The following PDGFA variants were observed in gnomAD, a reference collection of about 807,000 sequenced individuals.
The protein encoded by PDGFA is platelet derived growth factor subunit A, also known as platelet-derived growth factor subunit A.
Under a neutral mutation model 25.6 loss-of-function variants are expected in PDGFA, and 9 were observed. The observed-to-expected ratio is 0.35, with a 90% CI of 0.21 to 0.61. The LOEUF is 0.61. Among genes scored for constraint, PDGFA ranks in the 20% least tolerant of loss-of-function variants. The pLI is 0.75. For missense variants in PDGFA, 242 were observed against 272.8 expected (o/e 0.89, Z 0.79); for synonymous variants, 133 against 111.8 (o/e 1.19, Z -1.20).
chr7:501,995 C>T (rs186958513), intron 4 of PDGFA, among the ~76,000 whole-genome samples: 58 of 152,214 alleles, frequency 3.8e-4, no homozygotes, highest in Admixed American at 3.3e-3. Context: ...AAGGCCAAGG[C>T]GGGAGGATCA....
intron 2 of PDGFA, among the ~76,000 whole-genome samples, chr7:516,968 C>A (rs1783131790): frequency 6.6e-6 from 1 of 151,618 alleles, no homozygotes; most frequent in African/African-American, 2.4e-5. Flanking sequence ...TCCGCCCGCC[C>A]GCCCGTCGGA....
intron 2 of PDGFA, among the ~76,000 whole-genome samples, chr7:515,765 G>T (rs1783059528): frequency 1.3e-5 from 2 of 151,696 alleles, no homozygotes; most frequent in Non-Finnish European, 2.9e-5. Context: ...GGGCATCCTT[G>T]TTTTTTTCTG....
At chr7:511,091 C>T (rs1311607689) in intron 3 of PDGFA, 95 bp from the exon 4 acceptor site, 2 of 931,386 alleles carry the variant, frequency 2.1e-6, no homozygotes, top group Admixed American at 2.1e-5. Context: ...TGGGGGGCAA[C>T]CAGGGTAAGC....
chr7:498,411 A>T, exon 6 of PDGFA: 1 of 704,366 alleles, frequency 1.4e-6, no homozygotes, highest in South Asian at 1.7e-5. Flanking sequence ...ACAAATGTGC[A>T]CTGTCTCTTT....
rs1782288371 is a variant in PDGFA, at chr7:500,642, C to T, written c.580+474G>A. The T allele has an allele frequency of 3.4e-6, 5 of 1,485,596 alleles. No individual in the cohort carries two copies. The highest frequency in any genetic ancestry group is 3.6e-6 in the Non-Finnish European group (4 of 1,123,518). The allele number at this position is 1,485,596 out of a possible 1,614,324, so 92.0% of individuals were successfully genotyped here. A position where few individuals can be genotyped will look rare whatever the true frequency, so the allele number is the denominator to read the frequency against. ...TGGCACCGAGAAACTTCTGAGTCCC[C>T]TCATGCTCCCAGGGCCCAGCCATAG... On this transcript the variant is annotated intron_variant, in intron 5 of 5. Transcript: ENST00000402802. The surrounding 1 kb of genome is among the most constrained non-coding windows in gnomAD (Gnocchi z 5.0).
At chr7:505,014 CA>C (rs1316338860) in intron 4 of PDGFA, among the ~76,000 whole-genome samples, 3 of 152,242 alleles carry the variant, frequency 2.0e-5, no homozygotes, top group African/African-American at 7.2e-5. Context: ...TTTTATCAAA[CA>C]AAAACAAACA....
exon 6 of PDGFA, chr7:497,972 A>AAAAAAAAAAAAAAAAAAAAAAAAAAAC (rs1782161327): frequency 7.5e-6 from 1 of 133,286 alleles, no homozygotes; most frequent in Non-Finnish European, 1.6e-5. Context: ...AAAAAAAAAA[A>AAAAAAAAAAAAAAAAAAAAAAAAAAAC]ACAAAACAAA....
rs992015738 is a variant in PDGFA, at chr7:517,509, C to G, written c.64-19G>C. 6 of 1,198,062 alleles carry G rather than the reference C, an allele frequency of 5.0e-6. No homozygotes were observed. Among genetic ancestry groups the G allele is most frequent in the African/African-American group, 4.8e-5 (3 of 62,000 alleles). The allele number at this position is 1,198,062 out of a possible 1,614,324, so 74.2% of individuals were successfully genotyped here. ...CGGCTTCCTGCAAGCAGAGGCCACACGGTCAGCGCCCGCGGCCCCGACCCC... is the reference window on the plus strand; with the variant it reads ...CGGCTTCCTGCAAGCAGAGGCCACAGGGTCAGCGCCCGCGGCCCCGACCCC... On this transcript the variant is annotated intron_variant, in intron 1 of 5. Coordinates refer to ENST00000402802, the Ensembl canonical transcript of PDGFA. This position sits in a 1 kb window ranked among gnomAD's most constrained non-coding sequence, Gnocchi z 7.4.
intron 5 of PDGFA, among the ~76,000 whole-genome samples, chr7:499,228 A>C (rs9719531): frequency 0.16 from 24,181 of 152,120 alleles, 2,366 homozygotes; most frequent in South Asian, 0.32. Flanking sequence ...AAAACCACCC[A>C]CCAGGCCACA....
At chr7:511,035 T>C in intron 3 of PDGFA, 39 bp from the exon 4 acceptor site, 1 of 1,549,352 alleles carries the variant, frequency 6.5e-7, no homozygotes. Flanking sequence ...GACCGGCCTC[T>C]GCGACCACGG....
In PDGFA at chr7:517,367, C is replaced by A; in HGVS notation, c.160+27G>T. The A allele has an allele frequency of 8.3e-7, 1 of 1,211,424 alleles. No homozygotes were observed. 75.0% of individuals were successfully genotyped at this position (1,211,424 alleles called of 1,614,324 possible). On this transcript the variant is annotated intron_variant, in intron 2 of 5. Coordinates refer to ENST00000402802, the Ensembl canonical transcript of PDGFA. The surrounding 1 kb of genome is among the most constrained non-coding windows in gnomAD (Gnocchi z 7.4). ...AGGCCGCCCGCCCGCGCCCTCCCCGCGCGCGGAGGGAAGGGGCGCGATTTA... is the reference window on the plus strand; with the variant it reads ...AGGCCGCCCGCCCGCGCCCTCCCCGAGCGCGGAGGGAAGGGGCGCGATTTA...
At chr7:518,871 G>A (rs1783229714) in intron 1 of PDGFA, 68 bp downstream of exon 1, 5 of 1,083,620 alleles carry the variant, frequency 4.6e-6, no homozygotes, top group Admixed American at 5.3e-5. Flanking sequence ...AGCCCGTGGC[G>A]CCCCAGCCGG....
rs1197878377 is a variant in PDGFA, at chr7:518,865, C to A, written c.63+74G>T. The A allele has an allele frequency of 6.1e-5, 61 of 1,005,296 alleles. No individual in the cohort carries two copies. The East Asian group carries it at 1.5e-3, about 25-fold the overall frequency. The allele number at this position is 1,005,296 out of a possible 1,614,324, so 62.3% of individuals were successfully genotyped here. ...GAACCAAAACGCTCTCTGCAGAGCCCGTGGCGCCCCAGCCGGCGGGGGGTG... is the reference window on the plus strand; with the variant it reads ...GAACCAAAACGCTCTCTGCAGAGCCAGTGGCGCCCCAGCCGGCGGGGGGTG... On this transcript the variant is annotated intron_variant, in intron 1 of 5. Transcript: ENST00000402802.
At chr7:511,029 G>A (rs377149257) in intron 3 of PDGFA, 33 bp from the exon 4 acceptor site, 102 of 1,577,428 alleles carry the variant, frequency 6.5e-5, no homozygotes, top group Admixed American at 3.4e-4. Context: ...AGCGGGGACC[G>A]GCCTCTGCGA....
At chr7:499,640 G>A (rs1208394279) in intron 5 of PDGFA, among the ~76,000 whole-genome samples, 1 of 150,834 alleles carries the variant, frequency 6.6e-6, no homozygotes, top group Admixed American at 6.6e-5. Flanking sequence ...CCTTGCAGTG[G>A]AGGGATGGCA....
At chr7:510,711 G>A in intron 4 of PDGFA, 98 bp downstream of exon 4, 1 of 473,114 alleles carries the variant, frequency 2.1e-6, no homozygotes, top group Non-Finnish European at 3.7e-6. Context: ...TGGGTGGGGA[G>A]GGGAGGGGAG....
chr7:515,996 G>A (rs1260527829), intron 2 of PDGFA, among the ~76,000 whole-genome samples: 2 of 87,666 alleles, frequency 2.3e-5, no homozygotes, highest in Non-Finnish European at 4.7e-5. Flanking sequence ...CCTTCTGCTA[G>A]CACCCCCCCC....
At chr7:515,466 G>A (rs915304529) in intron 2 of PDGFA, among the ~76,000 whole-genome samples, 1 of 152,194 alleles carries the variant, frequency 6.6e-6, no homozygotes. Context: ...GAGACTGTGG[G>A]TTTCTCTGGT....
exon 3 of PDGFA, chr7:512,390 C>T (rs768245497): frequency 1.5e-5 from 25 of 1,613,628 alleles, no homozygotes; most frequent in Non-Finnish European, 1.9e-5. Context: ...GGCCGCTTCT[C>T]GGGCACATGC....
Sources: gnomAD v4.1 joint callset for allele counts (sites outside exome capture counted in the v4.1 genomes callset) on GRCh38, gnomAD v4.1.1 for gene constraint, Gnocchi (gnomAD v3.1) non-coding constraint, MANE v1.5 for transcripts, NCBI Gene and HGNC (gene_info 2026-07-23, HGNC 2026-07-21) for gene names.